KYNU: variants seen among roughly 807,000 people sequenced by gnomAD.
KYNU encodes the protein L-kynurenine hydrolase.
Under a neutral mutation model 59.2 loss-of-function variants are expected in KYNU, and 54 were observed. The ratio of observed to expected loss-of-function variants is 0.91; its 90% CI spans 0.73 to 1.14. The LOEUF (loss-of-function observed/expected upper bound fraction) is 1.14, where lower values mean the gene tolerates loss of function less well. Ranked by LOEUF, KYNU falls within the 50% of genes most tolerant of loss-of-function variation. The pLI is 0.00. For synonymous variants in KYNU, 177 were observed against 192.0 expected (o/e 0.92, Z 0.65); for missense variants, 567 against 554.4 (o/e 1.02, Z -0.23).
chr2:142,883,667 A>T lies in KYNU; in HGVS notation c.-19-1682A>T, dbSNP rs147038923. Among the ~76,000 whole-genome samples the T allele has an allele frequency of 4.7e-3, 709 of 152,234 alleles. 4 individuals carry two copies. Among genetic ancestry groups the T allele is most frequent in the African/African-American group, 0.017 (687 of 41,524 alleles). On this transcript the variant is annotated intron_variant, in intron 1 of 13. Coordinates refer to ENST00000264170, the MANE Select transcript of KYNU (RefSeq NM_003937.3). ...GGTTCCTCCAGGTCCAGGTCTTCACATGATGTAGACATTCTCATCTATCAC... is the reference window on the plus strand; with the variant it reads ...GGTTCCTCCAGGTCCAGGTCTTCACTTGATGTAGACATTCTCATCTATCAC...
chr2:142,944,018 G>C (rs1003330247), intron 4 of KYNU, among the ~76,000 whole-genome samples: 1 of 152,170 alleles, frequency 6.6e-6, no homozygotes, highest in African/African-American at 2.4e-5. Flanking sequence ...TTGAAATTAT[G>C]TTAGGATTAA....
intron 10 of KYNU, among the ~76,000 whole-genome samples, chr2:142,995,852 T>C (rs1274641915): frequency 1.3e-5 from 2 of 152,162 alleles, no homozygotes; most frequent in Non-Finnish European, 2.9e-5. Context: ...TCATTGTTTT[T>C]TGTTTTGTGT....
At chr2:142,931,315 G>C (rs765487320) in intron 4 of KYNU, among the ~76,000 whole-genome samples, 3 of 152,184 alleles carry the variant, frequency 2.0e-5, no homozygotes, top group Non-Finnish European at 4.4e-5. Context: ...TGTGATATAG[G>C]GGGTGGTGTG....
At chr2:142,965,439 A>T (rs1269378717) in intron 8 of KYNU, among the ~76,000 whole-genome samples, 1 of 129,798 alleles carries the variant, frequency 7.7e-6, no homozygotes, top group Non-Finnish European at 1.6e-5. Flanking sequence ...ACCACGAAAG[A>T]CTTGAGGCAA....
intron 4 of KYNU, among the ~76,000 whole-genome samples, chr2:142,933,579 G>A (rs1426118870): frequency 2.0e-5 from 3 of 152,152 alleles, no homozygotes; most frequent in African/African-American, 7.2e-5. Context: ...TTGGGTTCAC[G>A]GGGTAAGAGC....
rs1350570127 is a variant in KYNU at position 142,961,456 on chromosome 2, T to C, written c.729+686T>C. Among the ~76,000 whole-genome samples the C allele has an allele frequency of 2.6e-5, 4 of 152,098 alleles. No homozygotes were observed. In the East Asian group the frequency reaches 7.7e-4, roughly 29 times the overall value. ...TAAGATAGGAAGTACATGCTAGGTCTATTAAAAATTCAACTCATACTTTGT... is the reference window on the plus strand; with the variant it reads ...TAAGATAGGAAGTACATGCTAGGTCCATTAAAAATTCAACTCATACTTTGT... On this transcript the variant is annotated intron_variant, in intron 8 of 13. Transcript: ENST00000264170.
chr2:142,947,001 A>G, intron 4 of KYNU: 1 of 1,517,854 alleles, frequency 6.6e-7, no homozygotes, highest in Non-Finnish European at 8.9e-7. Flanking sequence ...AGACAAGTTT[A>G]TTAGTAATTT....
intron 4 of KYNU, among the ~76,000 whole-genome samples, chr2:142,951,402 A>C (rs1377800559): frequency 6.6e-6 from 1 of 152,130 alleles, no homozygotes; most frequent in Non-Finnish European, 1.5e-5. Flanking sequence ...AAAAATACAA[A>C]AAATTAGCTG....
Position 143,046,503 on chromosome 2 carries a change from T to C in KYNU, c.*4331T>C, listed in dbSNP as rs1687166329. ...TCTATTTCATTTTTTCCCATATAGA[T>C]AATTTATATTATTAATAATTCCTTC... On this transcript the variant is annotated 3_prime_UTR_variant, in exon 14 of 14. Transcript: ENST00000264170. 6.6e-6 allele frequency: 1 copy of C among 151,902 alleles called. No individual in the cohort carries two copies. Among genetic ancestry groups the C allele is most frequent in the Admixed American group, 6.6e-5 (1 of 15,228 alleles). 9.4% of individuals were successfully genotyped at this position (151,902 alleles called of 1,614,324 possible).
intron 10 of KYNU, among the ~76,000 whole-genome samples, chr2:143,016,436 T>G (rs960174732): frequency 1.3e-5 from 2 of 152,254 alleles, no homozygotes; most frequent in African/African-American, 4.8e-5. Flanking sequence ...GACATGAATT[T>G]TTTTAAATCA....
At chr2:142,957,487 G>A (rs766855351) in intron 6 of KYNU, among the ~76,000 whole-genome samples, 154 bp from the exon 7 acceptor site, 2 of 151,990 alleles carry the variant, frequency 1.3e-5, no homozygotes, top group African/African-American at 2.4e-5. Flanking sequence ...TTATTAAGTG[G>A]TTCTTCTCTG....
chr2:142,917,447 G>A (rs976572991), intron 2 of KYNU, among the ~76,000 whole-genome samples: 1 of 148,576 alleles, frequency 6.7e-6, no homozygotes, highest in African/African-American at 2.5e-5. Context: ...CCAAACCATT[G>A]ATGTGATAAC....
chr2:142,943,924 T>G (rs1052025970), intron 4 of KYNU, among the ~76,000 whole-genome samples: 5 of 152,200 alleles, frequency 3.3e-5, no homozygotes, highest in African/African-American at 1.2e-4. Flanking sequence ...CAGAACATTG[T>G]ATGGCAGTTA....
intron 6 of KYNU, among the ~76,000 whole-genome samples, chr2:142,957,276 C>T (rs1393653789): frequency 1.3e-5 from 2 of 152,050 alleles, no homozygotes. Context: ...ACTTACTCTT[C>T]CTAGGGTAAG....
intron 10 of KYNU, among the ~76,000 whole-genome samples, chr2:143,001,501 T>C (rs775245525): frequency 2.0e-4 from 31 of 152,210 alleles, no homozygotes; most frequent in Non-Finnish European, 4.0e-4. Context: ...GTATCAACTG[T>C]AGAGTTGTTA....
In KYNU at chr2:143,050,069, TA is replaced by T. The variant is rs1346517991; in HGVS notation, c.*7899del. On this transcript the variant is annotated 3_prime_UTR_variant, in exon 14 of 14. Coordinates refer to ENST00000264170, the MANE Select transcript of KYNU (RefSeq NM_003937.3). ...AAAAACATATAAAATATGAAATATA[TA>T]ATACAGTATAAAATCTATTTTATGT... 2 of 148,060 alleles carry T rather than the reference TA, an allele frequency of 1.4e-5. No homozygotes were observed. Among genetic ancestry groups the T allele is most frequent in the Non-Finnish European group, 3.0e-5 (2 of 67,154 alleles). The allele number at this position is 148,060 out of a possible 1,614,324, so 9.2% of individuals were successfully genotyped here.
intron 4 of KYNU, among the ~76,000 whole-genome samples, chr2:142,929,159 G>T (rs1156595515): frequency 6.6e-6 from 1 of 151,280 alleles, no homozygotes; most frequent in Non-Finnish European, 1.5e-5. Context: ...TACCAAAGAG[G>T]CATAATTTTC....
At chr2:143,019,303 A>G (rs1686343145) in intron 10 of KYNU, among the ~76,000 whole-genome samples, 1 of 151,984 alleles carries the variant, frequency 6.6e-6, no homozygotes, top group Admixed American at 6.6e-5. Flanking sequence ...ATTGGGGTGT[A>G]TTTCTTCTAT....
At chr2:142,981,414 T>C (rs1337442712) in intron 8 of KYNU, among the ~76,000 whole-genome samples, 1 of 152,116 alleles carries the variant, frequency 6.6e-6, no homozygotes, top group African/African-American at 2.4e-5. Flanking sequence ...AATTAACTTT[T>C]TTCCCCATAT....
Sources: allele counts gnomAD v4.1 joint callset (sites outside exome capture counted in the v4.1 genomes callset), GRCh38; gene constraint gnomAD v4.1.1; transcripts MANE v1.5; gene names NCBI Gene and HGNC (gene_info 2026-07-23, HGNC 2026-07-21).